Variants in ABCC3 observed in about 807,000 individuals in gnomAD.
The protein encoded by ABCC3 is ATP binding cassette subfamily C member 3.
In ABCC3, 121 loss-of-function variants were observed where a neutral mutation model predicts 165.3. That is an observed-to-expected ratio of 0.73 (90% CI 0.63 to 0.85). The LOEUF (loss-of-function observed/expected upper bound fraction) is 0.85. Among genes scored for constraint, ABCC3 ranks in the 40% least tolerant of loss-of-function variants. ABCC3 has a pLI of 0.00. For synonymous variants in ABCC3, 733 were observed against 810.1 expected (o/e 0.90, Z 1.62); for missense variants, 1,869 against 1,964.1 (o/e 0.95, Z 0.92).
In ABCC3 at chr17:50,675,465, G is replaced by A; in HGVS notation, c.2703G>A (p.Lys901=). 1 of 1,613,470 alleles carries A rather than the reference G, an allele frequency of 6.2e-7. No individual in the cohort carries two copies. Among genetic ancestry groups the A allele is most frequent in the South Asian group, 1.1e-5 (1 of 90,990 alleles). The stretch of plus-strand genomic sequence containing the variant: ...ATCCAGTCACCTATGTGGTCCAGAA[G>A]CAGTTTATGAGGTGAGTTCCTGAGA... ...DNDPVTYVVQ[K]QFMRQLSALS... is the part of the protein sequence containing the mutation. Residue 901 remains lysine (K), a synonymous_variant, in exon 20 of 31, where the codon AAG becomes AAA. Transcript: ENST00000285238.
rs1967365839 is a variant in ABCC3, at chr17:50,660,975, C to CT, written c.860dup (p.Leu288AlafsTer206). 5 of 1,613,706 alleles carry CT rather than the reference C, an allele frequency of 3.1e-6. No homozygotes were observed. Among genetic ancestry groups the CT allele is most frequent in the Non-Finnish European group, 4.2e-6 (5 of 1,179,858 alleles). ...AAATGCCTCCGGCGAGGACGAGGTGCTGCTGGGTGCCCGGCCCAGGCCCCG... is the reference window on the plus strand; with the variant it reads ...AAATGCCTCCGGCGAGGACGAGGTGCTTGCTGGGTGCCCGGCCCAGGCCCCG... On this transcript the variant is annotated frameshift_variant, in exon 8 of 31. Transcript: ENST00000285238. LOFTEE classifies it high-confidence loss of function.
chr17:50,637,868 G>A (rs2054193980), intron 1 of ABCC3, among the ~76,000 whole-genome samples: 1 of 152,192 alleles, frequency 6.6e-6, no homozygotes, highest in African/African-American at 2.4e-5. Context: ...TAGGGCTGTC[G>A]GGCCAGTGGC....
intron 14 of ABCC3, 70 bp from the exon 15 acceptor site, chr17:50,668,783 C>T: frequency 7.4e-7 from 1 of 1,351,728 alleles, no homozygotes; most frequent in East Asian, 2.3e-5. Context: ...TCCCCTGCCC[C>T]CCAGCCTCCC....
intron 19 of ABCC3, among the ~76,000 whole-genome samples, chr17:50,675,032 T>C (rs1056729496): frequency 6.6e-6 from 1 of 152,034 alleles, no homozygotes; most frequent in Non-Finnish European, 1.5e-5. Flanking sequence ...TCTCCTGACC[T>C]CGTGAGCTGC....
chr17:50,672,905 G>C, intron 17 of ABCC3, 66 bp from the exon 18 acceptor site: 1 of 1,447,120 alleles, frequency 6.9e-7, no homozygotes, highest in Non-Finnish European at 9.4e-7. Context: ...CCAAATAACA[G>C]TGGACAGGCC....
chr17:50,655,804 A>G, intron 1 of ABCC3, 28 bp from the exon 2 acceptor site: 1 of 1,605,136 alleles, frequency 6.2e-7, no homozygotes, highest in South Asian at 1.1e-5. Flanking sequence ...GGGCTGCCAC[A>G]GCACTAAACT....
At chr17:50,645,713 G>A (rs1452870159) in intron 1 of ABCC3, among the ~76,000 whole-genome samples, 2 of 151,980 alleles carry the variant, frequency 1.3e-5, no homozygotes, top group African/African-American at 2.4e-5. Context: ...AGATCCTCCC[G>A]CCTTAGCCTC....
In ABCC3 at chr17:50,656,749, C is replaced by T. The variant is rs1967257898; in HGVS notation, c.270C>T (p.Tyr90=). The change falls in exon 3 of 31, where the codon TAC becomes TAT. Residue 90 remains tyrosine, a synonymous_variant. Coordinates refer to ENST00000285238, the MANE Select transcript of ABCC3 (RefSeq NM_003786.4). ...GCGTCTCCTGGGCGGACCTTTTTTA[C>T]TCCTTCCATGGCCTGGTCCATGGCC... The part of the protein sequence containing the change: ...LWCVSWADLF[Y]SFHGLVHGRA... The T allele has an allele frequency of 6.2e-7, 1 of 1,613,942 alleles. No individual in the cohort carries two copies. The highest frequency in any genetic ancestry group is 8.5e-7 in the Non-Finnish European group (1 of 1,179,986).
intron 1 of ABCC3, among the ~76,000 whole-genome samples, chr17:50,638,948 A>G (rs1401434323): frequency 6.6e-6 from 1 of 152,180 alleles, no homozygotes; most frequent in African/African-American, 2.4e-5. Flanking sequence ...GGCGAAGGCT[A>G]TGCATGATTA....
intron 1 of ABCC3, among the ~76,000 whole-genome samples, chr17:50,648,990 T>C (rs1376636497): frequency 6.6e-6 from 1 of 151,866 alleles, no homozygotes; most frequent in Non-Finnish European, 1.5e-5. Context: ...CACGTGCCTG[T>C]AATCCCAGCT....
intron 1 of ABCC3, among the ~76,000 whole-genome samples, chr17:50,653,100 C>T (rs554397036): frequency 3.1e-4 from 47 of 152,092 alleles, no homozygotes; most frequent in Non-Finnish European, 5.6e-4. Context: ...TATCCCAGCA[C>T]TTTGGGAGGC....
chr17:50,654,430 T>A (rs1393755618), intron 1 of ABCC3, among the ~76,000 whole-genome samples: 1 of 152,186 alleles, frequency 6.6e-6, no homozygotes, highest in Non-Finnish European at 1.5e-5. Flanking sequence ...GTAGTTATAG[T>A]CAAAGGTAAG....
At chr17:50,637,361 C>G (rs897130057) in intron 1 of ABCC3, among the ~76,000 whole-genome samples, 4 of 152,138 alleles carry the variant, frequency 2.6e-5, no homozygotes, top group African/African-American at 9.7e-5. Context: ...GAAGCTGGAT[C>G]CTCTGCCACA....
At chr17:50,687,254 A>G in intron 29 of ABCC3, 1 of 443,544 alleles carries the variant, frequency 2.3e-6, no homozygotes, top group Non-Finnish European at 4.1e-6. Flanking sequence ...GCTGAAAAGC[A>G]AGGATGGGGA....
chr17:50,671,603 C>A (rs115542460), intron 17 of ABCC3, among the ~76,000 whole-genome samples: 1 of 151,868 alleles, frequency 6.6e-6, no homozygotes, highest in African/African-American at 2.4e-5. Context: ...TGGAGAGGGC[C>A]TCCTTGTTGG....
intron 1 of ABCC3, among the ~76,000 whole-genome samples, chr17:50,643,909 T>A (rs1184511407): frequency 6.6e-6 from 1 of 152,060 alleles, no homozygotes; most frequent in Non-Finnish European, 1.5e-5. Context: ...CAGGAGTCAC[T>A]GCAGGTTTGT....
At chr17:50,668,759 C>T (rs1967579561) in intron 14 of ABCC3, 94 bp from the exon 15 acceptor site, 2 of 1,064,430 alleles carry the variant, frequency 1.9e-6, no homozygotes, top group Non-Finnish European at 1.4e-6. Context: ...CCAGGCTCCT[C>T]CCCTGTCCTC....
Position 50,667,696 on chromosome 17 carries a change from T to C in ABCC3, c.1574T>C (p.Leu525Pro). ...EGIRQGELQL[L>P]RTAAYLHTTT... is the part of the protein sequence containing the mutation. ...ATCAGGCAGGGTGAGCTCCAGCTGC[T>C]GCGCACGGCGGCCTACCTCCACACC... The change falls in exon 12 of 31, where the codon CTG becomes CCG. Residue 525 changes from leucine (L) to proline (P), a missense_variant. Coordinates refer to ENST00000285238, the MANE Select transcript of ABCC3 (RefSeq NM_003786.4). The C allele has an allele frequency of 6.2e-7, 1 of 1,614,116 alleles. No individual in the cohort carries two copies. Among genetic ancestry groups the C allele is most frequent in the Non-Finnish European group, 8.5e-7 (1 of 1,180,032 alleles).
chr17:50,657,024 C>A (rs750937949), intron 3 of ABCC3, 22 bp from the exon 4 acceptor site: 15 of 1,608,780 alleles, frequency 9.3e-6, no homozygotes, highest in Non-Finnish European at 1.3e-5. Context: ...TCTGCCCGGG[C>A]CTCCCTGCCC....
Sources: gnomAD v4.1 joint callset for allele counts (sites outside exome capture counted in the v4.1 genomes callset) on GRCh38, gnomAD v4.1.1 for gene constraint, MANE v1.5 for transcripts, NCBI Gene and HGNC (gene_info 2026-07-23, HGNC 2026-07-21) for gene names.